NIPBL: variants seen among roughly 807,000 people sequenced by gnomAD.
NIPBL encodes nipped-B-like protein.
In NIPBL, 19 loss-of-function variants were observed where a neutral mutation model predicts 321.8. The observed-to-expected ratio is 0.06, with a 90% CI of 0.04 to 0.09. The LOEUF is 0.09. Ranked by LOEUF, NIPBL falls within the 10% of genes least tolerant of loss-of-function variation. The probability of loss-of-function intolerance (pLI) is 1.00; values close to 1 mark genes in which losing one functional copy is unlikely to be tolerated. For missense variants in NIPBL, 2,210 were observed against 3,327.0 expected (o/e 0.66, Z 8.26); for synonymous variants, 1,106 against 1,114.1 (o/e 0.99, Z 0.14).
chr5:37,030,919 CTTTTTTTTTTTTTTT>C (rs11291612), intron 32 of NIPBL, among the ~76,000 whole-genome samples: 1 of 82,384 alleles, frequency 1.2e-5, no homozygotes, highest in African/African-American at 5.0e-5. Context: ...CATGTTTAGC[CTTTTTTTTTTTTTTT>C]TTTTTTTTTG....
intron 1 of NIPBL, among the ~76,000 whole-genome samples, chr5:36,894,420 A>T (rs187041532): frequency 6.6e-6 from 1 of 152,178 alleles, no homozygotes; most frequent in Non-Finnish European, 1.5e-5. Context: ...GTATTGTACT[A>T]TACTATACTG....
intron 1 of NIPBL, among the ~76,000 whole-genome samples, chr5:36,930,561 T>C (rs1749702488): frequency 6.6e-6 from 1 of 152,116 alleles, no homozygotes; most frequent in Admixed American, 6.5e-5. Flanking sequence ...TTTCTTAAAA[T>C]GTGTTACTTT....
intron 11 of NIPBL, among the ~76,000 whole-genome samples, chr5:36,999,714 G>A (rs953362093): frequency 6.4e-5 from 9 of 140,280 alleles, no homozygotes; most frequent in Non-Finnish European, 8.8e-5. Context: ...CTTATGAAGC[G>A]TGCATAAGCT....
rs747558873 is a variant in NIPBL at position 36,984,820 on chromosome 5, A to G, written c.1640A>G (p.Gln547Arg). The stretch of plus-strand genomic sequence containing the variant: ...TTAATGGTTAGCATTGATCTTCATC[A>G]GGCAGGAAGAGTGGACTCTCAGGCT... ...PALMVSIDLH[Q>R]AGRVDSQASI... Residue 547 changes from glutamine to arginine, a missense_variant, in exon 10 of 47, where the codon CAG becomes CGG. Physicochemically the swap from Gln to Arg is conservative, Grantham distance 43. Around this residue, in one of 14 missense-constraint regions of NIPBL, gnomAD observed 588 missense variants for 564.1 expected, o/e 1.04. Coordinates refer to ENST00000282516, the MANE Select transcript of NIPBL (RefSeq NM_133433.4). 2.5e-6 allele frequency: 4 copies of G among 1,613,952 alleles called. No individual in the cohort carries two copies. Among genetic ancestry groups the G allele is most frequent in the Non-Finnish European group, 3.4e-6 (4 of 1,179,882 alleles).
chr5:36,993,884 G>C (rs775398514), intron 10 of NIPBL, among the ~76,000 whole-genome samples: 42 of 152,224 alleles, frequency 2.8e-4, no homozygotes, highest in Non-Finnish European at 4.7e-4. Context: ...GTGAACCAGA[G>C]TTAGGCAATC....
At position 36,976,250 on chromosome 5, in the gene NIPBL, C is replaced by T. The variant is rs200785457; in HGVS notation, c.1343C>T (p.Pro448Leu). 3.7e-6 allele frequency: 6 copies of T among 1,613,790 alleles called. No homozygotes were observed. Among genetic ancestry groups the T allele is most frequent in the Non-Finnish European group, 4.2e-6 (5 of 1,179,872 alleles). Residue 448 changes from proline to leucine, a missense_variant, in exon 9 of 47, where the codon CCC becomes CTC. Coordinates refer to ENST00000282516, the MANE Select transcript of NIPBL (RefSeq NM_133433.4). ...QQNTSVAAKQ[P>L]QTSVVQNQQQ... ...AACACTTCAGTTGCTGCAAAACAACCCCAGACTTCTGTGGTACAGAATCAA... is the reference window on the plus strand; with the variant it reads ...AACACTTCAGTTGCTGCAAAACAACTCCAGACTTCTGTGGTACAGAATCAA...
intron 1 of NIPBL, among the ~76,000 whole-genome samples, chr5:36,899,796 G>T (rs1747063789): frequency 6.6e-6 from 1 of 152,154 alleles, no homozygotes; most frequent in Admixed American, 6.5e-5. Context: ...ATTGTATAGA[G>T]ATTTGCCTGC....
chr5:37,037,401 ATATATATGTATATATATATATATATG>A (rs1751821214), intron 33 of NIPBL, among the ~76,000 whole-genome samples: 1 of 146,832 alleles, frequency 6.8e-6, no homozygotes, highest in Non-Finnish European at 1.5e-5. Context: ...AAATATATAT[ATATATATGTATATATATATATATATG>A]TATATATAGA....
In NIPBL at chr5:37,044,725, C is replaced by T; in HGVS notation, c.6339C>T (p.Tyr2113=). The T allele has an allele frequency of 6.2e-7, 1 of 1,607,306 alleles. No individual in the cohort carries two copies. The highest frequency in any genetic ancestry group is 8.5e-7 in the Non-Finnish European group (1 of 1,173,970). ...TTGTGTGGGCTTGTTTCAATAGATA[C>T]TATGGTAAGTTCAATACCAGGGTTT... ...FKFVWACFNR[Y]YGAISKLKSQ... Residue 2113 remains tyrosine, a synonymous_variant, in exon 36 of 47, where the codon TAC becomes TAT. Coordinates refer to ENST00000282516, the MANE Select transcript of NIPBL (RefSeq NM_133433.4).
At chr5:36,921,691 T>C (rs757091834) in intron 1 of NIPBL, among the ~76,000 whole-genome samples, 1 of 152,158 alleles carries the variant, frequency 6.6e-6, no homozygotes, top group Non-Finnish European at 1.5e-5. Flanking sequence ...CTACGTTTTA[T>C]AAAGCTATTT....
chr5:36,994,554 A>T (rs1207891281), intron 10 of NIPBL, among the ~76,000 whole-genome samples: 1 of 152,088 alleles, frequency 6.6e-6, no homozygotes, highest in Non-Finnish European at 1.5e-5. Context: ...GTTAATGTTG[A>T]TTGTAAGTTA....
chr5:36,989,024 A>G (rs1002362970), intron 10 of NIPBL, among the ~76,000 whole-genome samples: 3 of 152,194 alleles, frequency 2.0e-5, no homozygotes, highest in African/African-American at 7.2e-5. Flanking sequence ...TTCATACATA[A>G]TAAATCATAT....
chr5:37,009,765 GA>G (rs777165410), intron 20 of NIPBL, among the ~76,000 whole-genome samples: 2 of 152,176 alleles, frequency 1.3e-5, no homozygotes, highest in Non-Finnish European at 2.9e-5. Flanking sequence ...TGGAAACTTT[GA>G]AGACTTTTAT....
intron 3 of NIPBL, among the ~76,000 whole-genome samples, chr5:36,957,305 TG>T (rs1741076091): frequency 6.6e-6 from 1 of 152,222 alleles, no homozygotes; most frequent in Non-Finnish European, 1.5e-5. Context: ...GAGAAAGCAA[TG>T]TAAGATGGAA....
chr5:36,896,364 G>A lies in NIPBL; in HGVS notation c.-80+19186G>A, dbSNP rs570128557. 3.9e-5 allele frequency among the ~76,000 whole-genome samples: 6 copies of A among 152,268 alleles called. No individual in the cohort carries two copies. In the East Asian group the frequency reaches 1.2e-3, roughly 29 times the overall value. On this transcript the variant is annotated intron_variant, in intron 1 of 46. Transcript: ENST00000282516. Reference sequence around the variant, plus strand: ...TAAGGTTTGAAAGTGAAATGTGTGAGTCCTCCAACTTTGTTCTTTTTCAAG... The same window carrying A: ...TAAGGTTTGAAAGTGAAATGTGTGAATCCTCCAACTTTGTTCTTTTTCAAG...
chr5:36,881,927 G>C (rs965706589), intron 1 of NIPBL, among the ~76,000 whole-genome samples: 1 of 151,922 alleles, frequency 6.6e-6, no homozygotes, highest in East Asian at 1.9e-4. Flanking sequence ...TTGTTAGAAA[G>C]ACAAAGTTCA....
At chr5:36,938,767 A>G (rs1738741901) in intron 1 of NIPBL, among the ~76,000 whole-genome samples, 1 of 152,176 alleles carries the variant, frequency 6.6e-6, no homozygotes, top group African/African-American at 2.4e-5. Context: ...TCTCACAATA[A>G]TACAATTTTA....
chr5:37,013,326 G>C (rs1052398478), intron 21 of NIPBL, among the ~76,000 whole-genome samples: 39 of 151,390 alleles, frequency 2.6e-4, no homozygotes, highest in Non-Finnish European at 4.7e-4. Flanking sequence ...CCCGGACGGG[G>C]CGGCTGGCCG....
Position 36,974,739 on chromosome 5 carries a change from T to A in NIPBL, c.869-1037T>A, listed in dbSNP as rs190974632. Among the ~76,000 whole-genome samples the A allele has an allele frequency of 1.7e-3, 257 of 152,252 alleles. 1 individual carries two copies. In the Middle Eastern group the frequency reaches 0.02, roughly 12 times the overall value. ...AACATTTAAAATACATTAACCTTGC[T>A]AACTGAAAGTCCAGATTTATGTATC... On this transcript the variant is annotated intron_variant, in intron 8 of 46. Transcript: ENST00000282516.
Sources: allele counts gnomAD v4.1 joint callset (sites outside exome capture counted in the v4.1 genomes callset), GRCh38; gene constraint gnomAD v4.1.1; regional missense constraint gnomAD v4.1.1; transcripts MANE v1.5; gene names NCBI Gene and HGNC (gene_info 2026-07-23, HGNC 2026-07-21).